The following HHLA2 variants were observed in gnomAD, a reference collection of about 807,000 sequenced individuals.
HHLA2 encodes HERV-H LTR-associating protein 2.
Under a neutral mutation model 45.9 loss-of-function variants are expected in HHLA2, and 48 were observed. The ratio of observed to expected loss-of-function variants is 1.05; its 90% CI spans 0.83 to 1.33. The LOEUF is 1.33. Ranked by LOEUF, HHLA2 falls within the 40% of genes most tolerant of loss-of-function variation. The probability of loss-of-function intolerance (pLI) is 0.00; values close to 1 mark genes in which losing one functional copy is unlikely to be tolerated. For synonymous variants in HHLA2, 161 were observed against 173.9 expected, an observed-to-expected ratio of 0.93 and a Z score of 0.59; for missense variants, 462 against 494.3, an observed-to-expected ratio of 0.93 and a Z score of 0.62.
At chr3:108,318,180 C>CAAAAA (rs55796552) in intron 2 of HHLA2, among the ~76,000 whole-genome samples, 1 of 122,432 alleles carries the variant, frequency 8.2e-6, no homozygotes. Context: ...GACTCCATCT[C>CAAAAA]AAAAAAAAAA....
intron 8 of HHLA2, 38 bp downstream of exon 7, chr3:108,362,484 C>A: frequency 7.8e-7 from 1 of 1,277,382 alleles, no homozygotes; most frequent in Non-Finnish European, 1.1e-6. Flanking sequence ...ACGTGTTCCA[C>A]ATCACGTATA....
At chr3:108,335,357 A>G (rs540486463) in intron 3 of HHLA2, among the ~76,000 whole-genome samples, 3 of 152,164 alleles carry the variant, frequency 2.0e-5, no homozygotes, top group Non-Finnish European at 2.9e-5. Context: ...AGTCCCTTTA[A>G]CAAGCTATTG....
intron 1 of HHLA2, among the ~76,000 whole-genome samples, chr3:108,304,559 C>G (rs2080898245): frequency 6.6e-6 from 1 of 152,122 alleles, no homozygotes; most frequent in African/African-American, 2.4e-5. Context: ...CTACAAAGAC[C>G]TATTTTCAAA....
At chr3:108,362,528 C>A in intron 8 of HHLA2, 82 bp downstream of exon 7, 2 of 871,090 alleles carry the variant, frequency 2.3e-6, no homozygotes, top group Non-Finnish European at 3.6e-6. Context: ...GCCCAAACAG[C>A]TACTGGGCAT....
intron 7 of HHLA2, 120 bp downstream of exon 6, chr3:108,358,281 C>G: frequency 1.5e-6 from 1 of 665,994 alleles, no homozygotes; most frequent in Non-Finnish European, 2.4e-6. Flanking sequence ...AAAATATAAT[C>G]CACAGGGATA....
chr3:108,373,481 A>C (rs558389477), intron 8 of HHLA2, among the ~76,000 whole-genome samples: 222 of 152,258 alleles, frequency 1.5e-3, no homozygotes, highest in African/African-American at 5.0e-3. Context: ...TGGCCAGGGC[A>C]ATCAGGCAGG....
intron 8 of HHLA2, among the ~76,000 whole-genome samples, chr3:108,372,118 C>G (rs2049431552): frequency 6.6e-6 from 1 of 152,166 alleles, no homozygotes; most frequent in Non-Finnish European, 1.5e-5. Context: ...GAAATTATAA[C>G]AAACTGTCTC....
At chr3:108,361,218 CAA>C (rs1185073064) in intron 7 of HHLA2, among the ~76,000 whole-genome samples, 1 of 152,192 alleles carries the variant, frequency 6.6e-6, no homozygotes, top group African/African-American at 2.4e-5. Flanking sequence ...GTTTGTTACA[CAA>C]AGTCAACCAC....
chr3:108,356,400 T>TATC (rs1036819687), intron 6 of HHLA2, among the ~76,000 whole-genome samples: 11 of 152,112 alleles, frequency 7.2e-5, no homozygotes, highest in Admixed American at 3.3e-4. Context: ...AAATGGAGGT[T>TATC]ATCTTTTTTT....
intron 3 of HHLA2, among the ~76,000 whole-genome samples, chr3:108,338,928 T>C (rs1296514738): frequency 6.6e-6 from 1 of 152,354 alleles, no homozygotes; most frequent in East Asian, 1.9e-4. Context: ...ATGTATTACA[T>C]ATTCAAATCA....
intron 2 of HHLA2, among the ~76,000 whole-genome samples, 185 bp downstream of exon 2, chr3:108,310,926 A>T (rs962527522): frequency 2.0e-5 from 3 of 152,206 alleles, no homozygotes; most frequent in Non-Finnish European, 2.9e-5. Context: ...ATTACCATTC[A>T]CCAAAATGCA....
intron 1 of HHLA2, among the ~76,000 whole-genome samples, chr3:108,301,675 T>C (rs2107280920): frequency 1.3e-5 from 2 of 152,334 alleles, no homozygotes; most frequent in South Asian, 4.1e-4. Context: ...GTGGTAGTTT[T>C]AATCTGCTTG....
intron 3 of HHLA2, among the ~76,000 whole-genome samples, chr3:108,335,012 C>T (rs1292651586): frequency 6.6e-6 from 1 of 152,210 alleles, no homozygotes; most frequent in Non-Finnish European, 1.5e-5. Flanking sequence ...GATCTGAATA[C>T]TGAATGATTC....
chr3:108,375,632 T>G, intron 8 of HHLA2, 118 bp from the exon 8 acceptor site: 1 of 1,303,312 alleles, frequency 7.7e-7, no homozygotes, highest in African/African-American at 1.5e-5. Context: ...GAAAAACCCT[T>G]CAAAGAACCA....
At chr3:108,356,268 G>A (rs1028547162) in intron 6 of HHLA2, among the ~76,000 whole-genome samples, 4 of 152,064 alleles carry the variant, frequency 2.6e-5, no homozygotes, top group Non-Finnish European at 5.9e-5. Context: ...CTGACCTCGT[G>A]ATCCACCCAT....
At chr3:108,363,993 CTTTT>C (rs2082022494) in intron 8 of HHLA2, among the ~76,000 whole-genome samples, 1 of 146,114 alleles carries the variant, frequency 6.8e-6, no homozygotes, top group Non-Finnish European at 1.5e-5. Context: ...TTTTTTCTTT[CTTTT>C]TAAGTTCTGG....
chr3:108,329,785 C>T (rs1283598624), intron 3 of HHLA2, among the ~76,000 whole-genome samples: 3 of 152,182 alleles, frequency 2.0e-5, no homozygotes, highest in Non-Finnish European at 4.4e-5. Flanking sequence ...GCATCTTTCA[C>T]TCTTCCTAGA....
At chr3:108,326,195 G>T (rs1349514920) in intron 2 of HHLA2, 1 of 231,566 alleles carries the variant, frequency 4.3e-6, no homozygotes. Context: ...AGCTCTGTTT[G>T]GTTCCACAAC....
intron 8 of HHLA2, among the ~76,000 whole-genome samples, chr3:108,363,172 T>C (rs1023808991): frequency 6.6e-6 from 1 of 152,224 alleles, no homozygotes; most frequent in African/African-American, 2.4e-5. Context: ...ACTTTGCTTT[T>C]AGTACCAGAA....
Sources: gnomAD v4.1 joint callset for allele counts (sites outside exome capture counted in the v4.1 genomes callset) on GRCh38, gnomAD v4.1.1 for gene constraint, MANE v1.5 for transcripts, NCBI Gene and HGNC (gene_info 2026-07-23, HGNC 2026-07-21) for gene names.